The following ADAMTS12 variants were observed in gnomAD, a reference collection of about 807,000 sequenced individuals.
The protein encoded by ADAMTS12 is ADAM metallopeptidase with thrombospondin type 1 motif 12.
ADAMTS12 carries 118 observed loss-of-function variants against 167.8 expected under a neutral mutation model. The ratio of observed to expected loss-of-function variants is 0.70; its 90% CI spans 0.61 to 0.82. The LOEUF (loss-of-function observed/expected upper bound fraction) is 0.82, where lower values mean the gene tolerates loss of function less well. Among genes scored for constraint, ADAMTS12 ranks in the 40% least tolerant of loss-of-function variants. The pLI is 0.00. For missense variants in ADAMTS12, 1,916 were observed against 1,998.8 expected (o/e 0.96, Z 0.79); for synonymous variants, 704 against 716.9 (o/e 0.98, Z 0.29).
intron 1 of ADAMTS12, among the ~76,000 whole-genome samples, chr5:33,889,417 T>C (rs1261040518): frequency 1.3e-5 from 2 of 152,168 alleles, no homozygotes; most frequent in Non-Finnish European, 2.9e-5. Flanking sequence ...CTAAGGAGAT[T>C]GGTTATTTGT....
intron 2 of ADAMTS12, among the ~76,000 whole-genome samples, chr5:33,776,458 C>T (rs1480268533): frequency 6.6e-6 from 1 of 152,106 alleles, no homozygotes; most frequent in African/African-American, 2.4e-5. Context: ...AAACAATGCA[C>T]TCCTGAATTC....
chr5:33,878,146 T>C (rs1172509859), intron 2 of ADAMTS12, among the ~76,000 whole-genome samples: 7 of 152,106 alleles, frequency 4.6e-5, no homozygotes, highest in African/African-American at 7.2e-5. Flanking sequence ...CAGGTACAAG[T>C]CCAACCACTA....
chr5:33,585,811 T>C (rs1430265392), intron 18 of ADAMTS12, among the ~76,000 whole-genome samples: 14 of 152,112 alleles, frequency 9.2e-5, no homozygotes. Context: ...AAAGCCTGTC[T>C]GGGGCAGCAG....
intron 14 of ADAMTS12, among the ~76,000 whole-genome samples, chr5:33,622,318 A>G (rs1739375914): frequency 6.6e-6 from 1 of 152,130 alleles, no homozygotes; most frequent in South Asian, 2.1e-4. Flanking sequence ...TATTAGAAGA[A>G]CAGCACCTCA....
chr5:33,737,523 C>T (rs545310215), intron 3 of ADAMTS12, among the ~76,000 whole-genome samples: 109 of 152,252 alleles, frequency 7.2e-4, no homozygotes, highest in African/African-American at 2.6e-3. Context: ...TATACAAACA[C>T]TATTGAACTG....
intron 2 of ADAMTS12, among the ~76,000 whole-genome samples, chr5:33,811,379 G>A (rs1386246503): frequency 6.6e-6 from 1 of 152,206 alleles, no homozygotes; most frequent in African/African-American, 2.4e-5. Context: ...TGGCAAGGGA[G>A]TGCAGGGGAA....
chr5:33,576,916 C>T lies in ADAMTS12; in HGVS notation c.3110G>A (p.Gly1037Glu). 2 of 1,614,040 alleles carry T rather than the reference C, an allele frequency of 1.2e-6. No homozygotes were observed. Among genetic ancestry groups the T allele is most frequent in the African/African-American group, 1.3e-5 (1 of 74,998 alleles). ...SRPRMLTTPTGPESMSTSTPA... is the reference protein window; with the variant it reads ...SRPRMLTTPTEPESMSTSTPA... ...AGTGCTTGTGCTCATAGACTCAGGCCCTGTGGGTGTGGTCAGCATTCTGGG... is the reference window on the plus strand; with the variant it reads ...AGTGCTTGTGCTCATAGACTCAGGCTCTGTGGGTGTGGTCAGCATTCTGGG... Residue 1037 changes from glycine to glutamate, a missense_variant, in exon 19 of 24, where the codon GGG becomes GAG. By Grantham distance (98) the Gly-to-Glu change is moderately conservative (BLOSUM62 -2). Transcript: ENST00000504830.
rs371627742 is a variant in ADAMTS12 at position 33,891,833 on chromosome 5, C to G, written c.24G>C (p.Trp8Cys). ...GAGCCACCACGGAAAGGTTTGCAAG[C>G]CAGCTCCTCTGGGCACATGGCATGA... MPCAQRS[W>C]LANLSVVAQL... is the part of the protein sequence containing the mutation. The change falls in exon 1 of 24, where the codon TGG becomes TGC. Residue 8 changes from tryptophan to cysteine, a missense_variant. Trp to Cys is a radical substitution (Grantham distance 215). Coordinates refer to ENST00000504830, the MANE Select transcript of ADAMTS12 (RefSeq NM_030955.4). 70 of 1,614,090 alleles carry G rather than the reference C, an allele frequency of 4.3e-5. No individual in the cohort carries two copies. The highest frequency in any genetic ancestry group is 5.8e-5 in the Non-Finnish European group (69 of 1,180,038).
chr5:33,620,185 C>A (rs915461982), intron 14 of ADAMTS12, among the ~76,000 whole-genome samples: 8 of 152,344 alleles, frequency 5.3e-5, no homozygotes, highest in African/African-American at 1.9e-4. Context: ...ATTCATTTAT[C>A]TTGAAGTAGC....
intron 3 of ADAMTS12, among the ~76,000 whole-genome samples, chr5:33,741,418 G>T (rs1347327256): frequency 6.6e-6 from 1 of 151,964 alleles, no homozygotes; most frequent in Non-Finnish European, 1.5e-5. Flanking sequence ...TTCTTATGAG[G>T]GCAAAGTCAA....
chr5:33,793,952 C>T (rs1430531943), intron 2 of ADAMTS12, among the ~76,000 whole-genome samples: 1 of 152,222 alleles, frequency 6.6e-6, no homozygotes, highest in African/African-American at 2.4e-5. Context: ...CTTCTCGCCG[C>T]TTTCAAATTG....
chr5:33,661,135 A>T (rs1741242362), intron 6 of ADAMTS12, among the ~76,000 whole-genome samples: 1 of 152,240 alleles, frequency 6.6e-6, no homozygotes, highest in Non-Finnish European at 1.5e-5. Context: ...ATTTCTGGAC[A>T]AATAGGCATA....
Position 33,664,256 on chromosome 5 carries a change from C to T in ADAMTS12, c.916-2216G>A, listed in dbSNP as rs555380260. On this transcript the variant is annotated intron_variant, in intron 5 of 23. Transcript: ENST00000504830. The stretch of plus-strand genomic sequence containing the variant: ...AAATAAAGTGGAACGTATCACTTTA[C>T]CTCATATTAAGGCTTACTATATAGC... Among the ~76,000 whole-genome samples, 6 of 152,176 alleles carry T rather than the reference C, an allele frequency of 3.9e-5. No homozygotes were observed. In the South Asian group the frequency reaches 1.2e-3, roughly 32 times the overall value.
At chr5:33,807,181 G>A (rs1307759309) in intron 2 of ADAMTS12, among the ~76,000 whole-genome samples, 1 of 152,092 alleles carries the variant, frequency 6.6e-6, no homozygotes, top group Non-Finnish European at 1.5e-5. Flanking sequence ...TTCGGCCTTT[G>A]GACTTTTGTA....
intron 9 of ADAMTS12, among the ~76,000 whole-genome samples, chr5:33,646,052 AG>A (rs2112183359): frequency 1.3e-5 from 2 of 152,316 alleles, no homozygotes; most frequent in South Asian, 4.1e-4. Flanking sequence ...ACCACTGTGC[AG>A]GGTTCTAGAG....
chr5:33,584,302 A>G (rs975824748), intron 18 of ADAMTS12, among the ~76,000 whole-genome samples: 1 of 152,176 alleles, frequency 6.6e-6, no homozygotes, highest in South Asian at 2.1e-4. Flanking sequence ...TTAATATGTA[A>G]TTAAATATTG....
At chr5:33,823,091 T>A (rs1381455660) in intron 2 of ADAMTS12, among the ~76,000 whole-genome samples, 6 of 140,172 alleles carry the variant, frequency 4.3e-5, no homozygotes, top group Non-Finnish European at 6.1e-5. Context: ...ACCCCATTTC[T>A]AAAAAAAAAA....
rs1260793375 is a variant in ADAMTS12, at chr5:33,588,693, G to C, written c.2771C>G (p.Thr924Arg). 1 of 1,614,120 alleles carries C rather than the reference G, an allele frequency of 6.2e-7. No homozygotes were observed. The highest frequency in any genetic ancestry group is 1.1e-5 in the South Asian group (1 of 91,080). The stretch of plus-strand genomic sequence containing the variant: ...GGGCTTCAGCAGGTGCTGGCAGTCT[G>C]TGGGCGGGAGAGCCTGCTCGTCAGA... The part of the protein sequence containing the change: ...MVSDEQALPP[T>R]DCQHLLKPKT... The change falls in exon 18 of 24, where the codon ACA becomes AGA. Residue 924 changes from threonine (T) to arginine (R), a missense_variant. Coordinates refer to ENST00000504830, the MANE Select transcript of ADAMTS12 (RefSeq NM_030955.4).
At chr5:33,737,262 G>A (rs1744407445) in intron 3 of ADAMTS12, among the ~76,000 whole-genome samples, 1 of 152,154 alleles carries the variant, frequency 6.6e-6, no homozygotes, top group African/African-American at 2.4e-5. Flanking sequence ...CATCTCGAAA[G>A]GTGGTGACTC....
Sources: gnomAD v4.1 joint callset for allele counts (sites outside exome capture counted in the v4.1 genomes callset) on GRCh38, gnomAD v4.1.1 for gene constraint, MANE v1.5 for transcripts, NCBI Gene and HGNC (gene_info 2026-07-23, HGNC 2026-07-21) for gene names.